The following HDAC9 variants were observed in gnomAD, a reference collection of about 807,000 sequenced individuals.
HDAC9 encodes the protein MEF-2 interacting transcription repressor (MITR) protein.
A neutral mutation model predicts 139.4 loss-of-function variants in HDAC9; 41 were observed. The observed-to-expected ratio is 0.29, with a 90% CI of 0.23 to 0.38. The LOEUF is 0.38. Ranked by LOEUF, HDAC9 falls within the 10% of genes least tolerant of loss-of-function variation. The probability of loss-of-function intolerance (pLI) is 1.00; values close to 1 mark genes in which losing one functional copy is unlikely to be tolerated. For synonymous variants in HDAC9, 517 were observed against 476.2 expected (o/e 1.09, Z -1.12); for missense variants, 1,147 against 1,297.0 (o/e 0.88, Z 1.78).
chr7:18,945,391 A>G (rs1240154310), intron 23 of HDAC9, among the ~76,000 whole-genome samples: 2 of 152,200 alleles, frequency 1.3e-5, no homozygotes, highest in Non-Finnish European at 2.9e-5. Context: ...TGATTTAGCA[A>G]TTCTTTATAG....
chr7:18,806,804 C>T (rs1793747338), intron 17 of HDAC9, among the ~76,000 whole-genome samples: 1 of 152,074 alleles, frequency 6.6e-6, no homozygotes, highest in African/African-American at 2.4e-5. Context: ...TATATTGAAA[C>T]AACCTTGCAA....
intron 12 of HDAC9, among the ~76,000 whole-genome samples, chr7:18,711,579 A>G (rs1784347671): frequency 6.6e-6 from 1 of 152,154 alleles, no homozygotes; most frequent in Admixed American, 6.5e-5. Flanking sequence ...CACCAATACC[A>G]GCTGTGGTCT....
At chr7:18,140,435 G>T (rs777146177) in intron 1 of HDAC9, among the ~76,000 whole-genome samples, 1 of 151,988 alleles carries the variant, frequency 6.6e-6, no homozygotes, top group African/African-American at 2.4e-5. Flanking sequence ...GTCTTCCACC[G>T]AACTTTAAAA....
chr7:18,157,496 A>G (rs1012633041), intron 1 of HDAC9, among the ~76,000 whole-genome samples: 1 of 152,206 alleles, frequency 6.6e-6, no homozygotes, highest in African/African-American at 2.4e-5. Context: ...GATACCAGAT[A>G]GAAGACTAGA....
chr7:18,605,895 T>C (rs2704283), intron 6 of HDAC9, among the ~76,000 whole-genome samples: 93,119 of 148,182 alleles, frequency 0.63, 31,867 homozygotes, highest in Non-Finnish European at 0.77. Flanking sequence ...TTAGCCAGGA[T>C]GGTCTCCATC....
intron 24 of HDAC9, among the ~76,000 whole-genome samples, chr7:18,969,086 G>T (rs1349417554): frequency 6.6e-6 from 1 of 151,602 alleles, no homozygotes; most frequent in Non-Finnish European, 1.5e-5. Context: ...GTGCGCGCGT[G>T]CACAGAGTGC....
intron 2 of HDAC9, among the ~76,000 whole-genome samples, chr7:18,265,033 C>A (rs1795911951): frequency 6.6e-6 from 1 of 152,090 alleles, no homozygotes; most frequent in East Asian, 1.9e-4. Flanking sequence ...TGTGTTATGT[C>A]TGTCATGGTA....
At chr7:18,402,101 A>G (rs901691768) in intron 1 of HDAC9, among the ~76,000 whole-genome samples, 1 of 152,176 alleles carries the variant, frequency 6.6e-6, no homozygotes, top group Non-Finnish European at 1.5e-5. Context: ...TTTGTTAGGC[A>G]CTGATCTTGA....
rs540995259 is a variant in HDAC9, at chr7:18,166,315, A to T, written c.25+3966A>T. Among the ~76,000 whole-genome samples, 8 of 152,338 alleles carry T rather than the reference A, an allele frequency of 5.3e-5. No homozygotes were observed. In the South Asian group the frequency reaches 1.4e-3, roughly 28 times the overall value. The stretch of plus-strand genomic sequence containing the variant: ...CATCTCTCTTTTCACCATTGTGGGA[A>T]GTACTCTACTCATATGAAGTGAGAG... On this transcript the variant is annotated intron_variant, in intron 2 of 12. Transcript: ENST00000417496.
intron 2 of HDAC9, among the ~76,000 whole-genome samples, chr7:18,577,857 C>T (rs1826486248): frequency 6.6e-6 from 1 of 151,548 alleles, no homozygotes; most frequent in South Asian, 2.1e-4. Context: ...TTTGTTGGGG[C>T]AAACAGTATT....
At chr7:18,106,242 AC>A (rs1174702113) in intron 1 of HDAC9, among the ~76,000 whole-genome samples, 4 of 152,172 alleles carry the variant, frequency 2.6e-5, no homozygotes, top group Non-Finnish European at 5.9e-5. Context: ...AAGTCAGGGA[AC>A]GCAGTGAAAA....
intron 21 of HDAC9, among the ~76,000 whole-genome samples, chr7:18,861,312 T>C: frequency 6.6e-6 from 1 of 151,806 alleles, no homozygotes; most frequent in Non-Finnish European, 1.5e-5. Context: ...CAACATTTTG[T>C]TGTTTCTTTC....
At chr7:18,792,619 G>C (rs1169221235) in intron 16 of HDAC9, among the ~76,000 whole-genome samples, 2 of 152,140 alleles carry the variant, frequency 1.3e-5, no homozygotes, top group Non-Finnish European at 2.9e-5. Context: ...TTCTCTAGTA[G>C]ATAAGCAACC....
intron 1 of HDAC9, among the ~76,000 whole-genome samples, chr7:18,097,191 C>T (rs1562615404): frequency 6.6e-6 from 1 of 152,162 alleles, no homozygotes; most frequent in Non-Finnish European, 1.5e-5. Flanking sequence ...CTTTCTCAAA[C>T]TTATTTGCTC....
intron 8 of HDAC9, among the ~76,000 whole-genome samples, chr7:18,640,866 A>G (rs187904346): frequency 1.3e-5 from 2 of 152,156 alleles, no homozygotes; most frequent in Non-Finnish European, 2.9e-5. Context: ...GGTGCCCTTC[A>G]ATATATACCA....
intron 2 of HDAC9, among the ~76,000 whole-genome samples, chr7:18,180,261 A>ACACACCCCCC (rs1789305262): frequency 1.4e-5 from 2 of 142,492 alleles, no homozygotes; most frequent in African/African-American, 5.0e-5. Flanking sequence ...ACACACACAC[A>ACACACCCCCC]CACACACACA....
At chr7:18,545,271 CT>C (rs568910538) in intron 2 of HDAC9, among the ~76,000 whole-genome samples, 1,554 of 142,078 alleles carry the variant, frequency 0.011, 25 homozygotes, top group African/African-American at 0.033. Flanking sequence ...CATTAGCTTT[CT>C]TTTTTTTTTT....
chr7:18,702,036 T>A (rs1379213749), intron 12 of HDAC9, among the ~76,000 whole-genome samples: 1 of 152,208 alleles, frequency 6.6e-6, no homozygotes. Flanking sequence ...CTTCAGCTAC[T>A]AACAGCAGTT....
intron 1 of HDAC9, among the ~76,000 whole-genome samples, chr7:18,367,326 G>A (rs1784261696): frequency 6.6e-6 from 1 of 151,900 alleles, no homozygotes; most frequent in Non-Finnish European, 1.5e-5. Flanking sequence ...GTGGGCCTGG[G>A]GTCCCCTGTT....
Sources: allele counts gnomAD v4.1 joint callset (sites outside exome capture counted in the v4.1 genomes callset), GRCh38; gene constraint gnomAD v4.1.1; transcripts MANE v1.5; gene names NCBI Gene and HGNC (gene_info 2026-07-23, HGNC 2026-07-21).